The following ACOXL variants were observed in gnomAD, a reference collection of about 807,000 sequenced individuals.
The protein encoded by ACOXL is acyl-coenzyme A oxidase-like protein.
ACOXL carries 70 observed loss-of-function variants against 71.9 expected under a neutral mutation model. The ratio of observed to expected loss-of-function variants is 0.97; its 90% CI spans 0.80 to 1.19. The LOEUF (loss-of-function observed/expected upper bound fraction) is 1.19. Among genes scored for constraint, ACOXL ranks in the 50% most tolerant of loss-of-function variants. The probability of loss-of-function intolerance (pLI) is 0.00; values close to 1 mark genes in which losing one functional copy is unlikely to be tolerated. For missense variants in ACOXL, 703 were observed against 736.3 expected, an observed-to-expected ratio of 0.95 and a Z score of 0.52; for synonymous variants, 253 against 281.6, an observed-to-expected ratio of 0.90 and a Z score of 1.02.
intron 17 of ACOXL, among the ~76,000 whole-genome samples, chr2:111,116,842 A>C (rs1434579969): frequency 1.4e-4 from 21 of 152,054 alleles, no homozygotes; most frequent in East Asian, 7.7e-4. Context: ...ATTGGCACCT[A>C]AGCCATGGAA....
chr2:110,790,673 C>T (rs1339204816), intron 3 of ACOXL, among the ~76,000 whole-genome samples: 1 of 152,194 alleles, frequency 6.6e-6, no homozygotes, highest in African/African-American at 2.4e-5. Flanking sequence ...CTGAGGTCTG[C>T]CAGGGGCAGG....
intron 1 of ACOXL, among the ~76,000 whole-genome samples, chr2:110,737,317 T>C (rs1358640023): frequency 6.6e-6 from 1 of 152,188 alleles, no homozygotes; most frequent in Admixed American, 6.5e-5. Context: ...GTAACATGTC[T>C]AAAGAGCCAC....
chr2:110,970,641 G>T (rs903132278), intron 12 of ACOXL, among the ~76,000 whole-genome samples: 4 of 152,230 alleles, frequency 2.6e-5, no homozygotes, highest in South Asian at 4.1e-4. Context: ...GCAATAAAAA[G>T]AAATTAAAAC....
chr2:110,763,213 A>T (rs1402477671), intron 1 of ACOXL, among the ~76,000 whole-genome samples: 4 of 152,166 alleles, frequency 2.6e-5, no homozygotes, highest in Admixed American at 2.6e-4. Context: ...GAGACAAAAG[A>T]CTCACAATAG....
chr2:110,790,672 G>T (rs1423619137), intron 3 of ACOXL, among the ~76,000 whole-genome samples: 1 of 152,170 alleles, frequency 6.6e-6, no homozygotes, highest in Non-Finnish European at 1.5e-5. Context: ...CCTGAGGTCT[G>T]CCAGGGGCAG....
intron 9 of ACOXL, among the ~76,000 whole-genome samples, chr2:110,829,440 G>A (rs151126585): frequency 3.3e-4 from 50 of 152,286 alleles, no homozygotes; most frequent in African/African-American, 1.1e-3. Context: ...TTTCTCTTCT[G>A]AGGAAGAGAG....
chr2:110,967,822 C>T lies in ACOXL; in HGVS notation c.1060-19286C>T, dbSNP rs138863189. 4.2e-4 allele frequency: 410 copies of T among 982,920 alleles called. 4 individuals are homozygous for T. In the East Asian group the frequency reaches 9.7e-3, roughly 23 times the overall value. The allele number at this position is 982,920 out of a possible 1,614,324, so 60.9% of individuals were successfully genotyped here. On this transcript the variant is annotated intron_variant, in intron 12 of 17. Transcript: ENST00000439055. ...TCTGTTGAGCCACGGATGTGGGTCT[C>T]TGTTTTGCAGGATGGGGTTTGTTAA... is the stretch of plus-strand genomic sequence containing the variant.
In ACOXL at chr2:110,938,274, C is replaced by T. The variant is rs140819272; in HGVS notation, c.1059+4632C>T. Among the ~76,000 whole-genome samples, 243 of 152,224 alleles carry T rather than the reference C, an allele frequency of 1.6e-3. 9 individuals carry two copies. In the East Asian group the frequency reaches 0.043, roughly 27 times the overall value. On this transcript the variant is annotated intron_variant, in intron 12 of 17. Coordinates refer to ENST00000439055, the MANE Select transcript of ACOXL (RefSeq NM_001142807.4). The stretch of plus-strand genomic sequence containing the variant: ...ACCATGACAGGCATGGGCTGGGTCT[C>T]AGTGAGGATGCAGGGGAGGAAAGGA...
At chr2:110,916,752 A>G (rs1302974390) in intron 11 of ACOXL, among the ~76,000 whole-genome samples, 2 of 152,222 alleles carry the variant, frequency 1.3e-5, no homozygotes, top group Admixed American at 6.5e-5. Flanking sequence ...CAGAAATACA[A>G]ACTACCATCT....
chr2:110,970,662 G>A (rs1294494928), intron 12 of ACOXL, among the ~76,000 whole-genome samples: 3 of 152,136 alleles, frequency 2.0e-5, no homozygotes, highest in Non-Finnish European at 4.4e-5. Context: ...ATAGAGATTA[G>A]AAGGGAAGAA....
chr2:111,043,102 T>G (rs892398214), intron 15 of ACOXL, among the ~76,000 whole-genome samples: 16 of 152,130 alleles, frequency 1.1e-4, no homozygotes, highest in Admixed American at 7.2e-4. Context: ...CTTTCAGTTG[T>G]GGGGCCAGAG....
At chr2:111,033,678 G>A (rs963302075) in intron 15 of ACOXL, among the ~76,000 whole-genome samples, 4 of 152,226 alleles carry the variant, frequency 2.6e-5, no homozygotes, top group East Asian at 1.9e-4. Context: ...CAGATTTGCC[G>A]ATCGGGTTGA....
At chr2:110,871,885 A>G (rs1207831746) in intron 10 of ACOXL, among the ~76,000 whole-genome samples, 11 of 152,190 alleles carry the variant, frequency 7.2e-5, no homozygotes, top group Non-Finnish European at 1.5e-5. Flanking sequence ...CACTCCTCCC[A>G]CAGGCTTGTT....
At chr2:111,044,393 G>A (rs545620489) in intron 15 of ACOXL, among the ~76,000 whole-genome samples, 1 of 152,222 alleles carries the variant, frequency 6.6e-6, no homozygotes, top group South Asian at 2.1e-4. Flanking sequence ...TGGAGGAGTG[G>A]GTGCAAGTTC....
intron 10 of ACOXL, among the ~76,000 whole-genome samples, chr2:110,853,913 G>GTTTTTT (rs35717647): frequency 7.0e-6 from 1 of 142,254 alleles, no homozygotes. Flanking sequence ...TAGGACACTT[G>GTTTTTT]TTTTTTTTTT....
chr2:110,877,819 G>A (rs13384044), intron 10 of ACOXL, among the ~76,000 whole-genome samples: 50,378 of 152,072 alleles, frequency 0.33, 8,514 homozygotes, highest in Middle Eastern at 0.39. Context: ...ACTGCCTGCT[G>A]GCGTCTCACC....
intron 10 of ACOXL, among the ~76,000 whole-genome samples, chr2:110,888,490 C>T (rs1434380115): frequency 6.6e-6 from 1 of 152,150 alleles, no homozygotes; most frequent in Non-Finnish European, 1.5e-5. Flanking sequence ...TTAAACACAA[C>T]ACTCCATGAT....
chr2:110,992,937 A>G (rs17041697), intron 13 of ACOXL, among the ~76,000 whole-genome samples: 2,966 of 152,336 alleles, frequency 0.019, 90 homozygotes, highest in African/African-American at 0.068. Flanking sequence ...ATAATTTTAC[A>G]GGAAGCATTT....
At chr2:110,919,575 A>AT (rs1438656543) in intron 11 of ACOXL, among the ~76,000 whole-genome samples, 27 of 152,038 alleles carry the variant, frequency 1.8e-4, no homozygotes, top group African/African-American at 6.5e-4. Flanking sequence ...AATAAAAATC[A>AT]CACTTTGTGT....
Sources: gnomAD v4.1 joint callset for allele counts (sites outside exome capture counted in the v4.1 genomes callset) on GRCh38, gnomAD v4.1.1 for gene constraint, MANE v1.5 for transcripts, NCBI Gene and HGNC (gene_info 2026-07-23, HGNC 2026-07-21) for gene names.